Variants in SMARCA4 observed in about 807,000 individuals in gnomAD.
The protein encoded by SMARCA4 is SWI/SNF-related matrix-associated actin-dependent regulator of chromatin subfamily A member 4.
Under a neutral mutation model 193.9 loss-of-function variants are expected in SMARCA4, and 31 were observed. The observed-to-expected ratio is 0.16, with a 90% CI of 0.12 to 0.22. The LOEUF is 0.22. SMARCA4 is among the 10% of genes least tolerant of loss of function. The probability of loss-of-function intolerance (pLI) is 1.00; values close to 1 mark genes in which losing one functional copy is unlikely to be tolerated. For missense variants in SMARCA4, 1,148 were observed against 2,296.0 expected (o/e 0.50, Z 10.22); for synonymous variants, 942 against 933.1 (o/e 1.01, Z -0.17).
rs774927302 is a variant in SMARCA4 at position 11,003,354 on chromosome 19, C to T, written c.1958C>T (p.Pro653Leu). The T allele has an allele frequency of 3.7e-6, 6 of 1,613,886 alleles. No individual in the cohort carries two copies. The highest frequency in any genetic ancestry group is 5.1e-6 in the Non-Finnish European group (6 of 1,179,886). Residue 653 changes from proline (P) to leucine (L), a missense_variant, in exon 13 of 35, where the codon CCG becomes CTG. Pro to Leu is a moderately conservative substitution (Grantham distance 98). This residue lies in a region of SMARCA4 where 115 missense variants were observed against 175.1 expected (regional missense o/e 0.66). Transcript: ENST00000344626. ...LEMNPGYEVA[P>L]RSDSEESGSE... ...ATTTTTTCTAGGTATGAAGTAGCTC[C>T]GAGGTCTGATAGTGAAGAAAGTGGC...
chr19:11,003,130 G>T lies in SMARCA4; in HGVS notation c.1914G>T (p.Gln638His), dbSNP rs1555768426. 1 of 1,614,160 alleles carries T rather than the reference G, an allele frequency of 6.2e-7. No individual in the cohort carries two copies. Among genetic ancestry groups the T allele is most frequent in the Non-Finnish European group, 8.5e-7 (1 of 1,180,032 alleles). ...LTGTDAPKAG[Q>H]LEAWLEMNPG... is the part of the protein sequence containing the mutation. ...GCACAGATGCCCCCAAAGCCGGGCAGCTGGAGGCCTGGCTCGAGATGAACC... is the reference window on the plus strand; with the variant it reads ...GCACAGATGCCCCCAAAGCCGGGCATCTGGAGGCCTGGCTCGAGATGAACC... The change falls in exon 12 of 35, where the codon CAG becomes CAT. Residue 638 changes from glutamine to histidine, a missense_variant. Physicochemically the swap from Gln to His is conservative, Grantham distance 24 (BLOSUM62 0). This residue lies in a region of SMARCA4 where 115 missense variants were observed against 175.1 expected (regional missense o/e 0.66). Transcript: ENST00000344626.
Position 11,035,123 on chromosome 19 carries a change from G to A in SMARCA4, c.4161G>A (p.Gln1387=), listed in dbSNP as rs139551264. The A allele has an allele frequency of 1.2e-6, 2 of 1,611,924 alleles. No homozygotes were observed. The highest frequency in any genetic ancestry group is 2.7e-5 in the African/African-American group (2 of 74,932). The part of the protein sequence containing the change: ...VDYSDSLTEK[Q]WLKAIEEGTL... Reference sequence around the variant, plus strand: ...ACAGCGACTCACTGACGGAGAAGCAGTGGCTCAAGGTACATGCTGGAGAGG... The same window carrying A: ...ACAGCGACTCACTGACGGAGAAGCAATGGCTCAAGGTACATGCTGGAGAGG... Residue 1387 remains glutamine, a synonymous_variant, in exon 29 of 35, where the codon CAG becomes CAA. Transcript: ENST00000344626.
chr19:10,962,343 G>A (rs545942844), intron 1 of SMARCA4, among the ~76,000 whole-genome samples: 78 of 152,236 alleles, frequency 5.1e-4, no homozygotes, highest in African/African-American at 1.7e-3. Context: ...GTGTTGGATG[G>A]TCGGGGGTTG....
chr19:10,966,937 G>A (rs1437616329), intron 1 of SMARCA4, among the ~76,000 whole-genome samples: 1 of 152,042 alleles, frequency 6.6e-6, no homozygotes, highest in East Asian at 1.9e-4. Context: ...ACAGCTGCTG[G>A]AATACTGGGG....
intron 30 of SMARCA4, among the ~76,000 whole-genome samples, chr19:11,045,307 G>A (rs180874850): frequency 6.6e-6 from 1 of 151,706 alleles, no homozygotes; most frequent in African/African-American, 2.4e-5. Context: ...GCGACAGAGC[G>A]GGACTCCGTC....
At chr19:10,961,837 T>A (rs2083833533) in intron 1 of SMARCA4, 1 of 152,232 alleles carries the variant, frequency 6.6e-6, no homozygotes, top group African/African-American at 2.4e-5. Flanking sequence ...GGAAATCCTT[T>A]GCTGTGTAAA....
intron 8 of SMARCA4, among the ~76,000 whole-genome samples, chr19:10,993,072 G>A (rs1284916250): frequency 1.4e-5 from 2 of 143,954 alleles, no homozygotes; most frequent in Non-Finnish European, 3.0e-5. Flanking sequence ...TGCAGCCTCT[G>A]TCTTCTGGGT....
chr19:11,051,151 G>C (rs977572945), intron 30 of SMARCA4, among the ~76,000 whole-genome samples: 1 of 152,262 alleles, frequency 6.6e-6, no homozygotes, highest in Non-Finnish European at 1.5e-5. Context: ...TTTGCTGGAA[G>C]AAGCTCCCCC....
chr19:11,057,443 A>G (rs1228325497), intron 30 of SMARCA4, among the ~76,000 whole-genome samples: 1 of 152,212 alleles, frequency 6.6e-6, no homozygotes, highest in African/African-American at 2.4e-5. Context: ...ATCCAGATGC[A>G]TCCCAGGCCG....
rs62639303 is a variant in SMARCA4, at chr19:10,986,541, T to G, written c.708T>G (p.Pro236=). 6.5e-7 allele frequency: 1 copy of G among 1,540,474 alleles called. No homozygotes were observed. The highest frequency in any genetic ancestry group is 8.7e-7 in the Non-Finnish European group (1 of 1,146,382). The change falls in exon 4 of 35, where the codon CCT becomes CCG. Residue 236 remains proline (P), a synonymous_variant. Transcript: ENST00000344626. This position sits in a 1 kb window ranked among gnomAD's most constrained non-coding sequence, Gnocchi z 6.7. ...CAGGACCCGGCCCTGGCCCTGGCCC[T>G]GGCCCCGGCCCGGGTCCCGGCCCGG... ...SATGPGPGPG[P]GPGPGPGPAP... is the part of the protein sequence containing the mutation.
chr19:11,004,318 C>T lies in SMARCA4; in HGVS notation c.2001+921C>T, dbSNP rs531110656. Among the ~76,000 whole-genome samples, 26 of 148,928 alleles carry T rather than the reference C, an allele frequency of 1.7e-4. No individual in the cohort carries two copies. The South Asian group carries it at 3.0e-3, about 17-fold the overall frequency. ...AGGATGGAGTGCAGTGGCGCGATCT[C>T]GCTCACTGCAACCTCCGCCTCCCGG... On this transcript the variant is annotated intron_variant, in intron 13 of 34. Coordinates refer to ENST00000344626, the MANE Select transcript of SMARCA4 (RefSeq NM_003072.5).
At chr19:10,983,878 G>T (rs534995127) in intron 1 of SMARCA4, among the ~76,000 whole-genome samples, 89 of 152,216 alleles carry the variant, frequency 5.8e-4, no homozygotes, top group Admixed American at 3.0e-3. Context: ...AGGCCCCTGT[G>T]GGGCAGTGCT....
intron 11 of SMARCA4, among the ~76,000 whole-genome samples, chr19:10,999,531 ACC>A (rs1290758097): frequency 6.6e-6 from 1 of 151,986 alleles, no homozygotes; most frequent in Non-Finnish European, 1.5e-5. Flanking sequence ...AGTGGCATGC[ACC>A]TGTGGTCCCA....
At chr19:10,974,435 A>G (rs539243798) in intron 1 of SMARCA4, among the ~76,000 whole-genome samples, 1 of 146,140 alleles carries the variant, frequency 6.8e-6, no homozygotes, top group African/African-American at 2.5e-5. Flanking sequence ...TATTTATTTC[A>G]TGGGTATTCT....
rs1236470526 is a variant in SMARCA4, at chr19:11,030,981, A to G, written c.3546+88A>G. ...GACGGCCCTGGCTTGAGGGTCCTCC[A>G]GCCTCCTCCACATTGTCTTGGACCC... On this transcript the variant is annotated intron_variant, in intron 25 of 34. Coordinates refer to ENST00000344626, the MANE Select transcript of SMARCA4 (RefSeq NM_003072.5). The surrounding 1 kb of genome is among the most constrained non-coding windows in gnomAD (Gnocchi z 5.5). The G allele has an allele frequency of 1.6e-6, 2 of 1,233,952 alleles. No individual in the cohort carries two copies. Among genetic ancestry groups the G allele is most frequent in the East Asian group, 2.5e-5 (1 of 40,166 alleles). The allele number at this position is 1,233,952 out of a possible 1,614,324, so 76.4% of individuals were successfully genotyped here. A position where few individuals can be genotyped will look rare whatever the true frequency, so the allele number is the denominator to read the frequency against.
At chr19:10,998,613 A>T (rs1395715491) in intron 11 of SMARCA4, among the ~76,000 whole-genome samples, 1 of 151,874 alleles carries the variant, frequency 6.6e-6, no homozygotes, top group African/African-American at 2.4e-5. Flanking sequence ...TATAGTAGGA[A>T]AAGCTTTCTC....
rs1388929594 is a variant in SMARCA4 at position 11,003,154 on chromosome 19, C to T, written c.1938C>T (p.Asn646=). The T allele has an allele frequency of 1.2e-6, 2 of 1,614,108 alleles. No homozygotes were observed. Among genetic ancestry groups the T allele is most frequent in the South Asian group, 1.1e-5 (1 of 91,074 alleles). Residue 646 remains asparagine (N), a synonymous_variant, in exon 12 of 35, where the codon AAC becomes AAT. Coordinates refer to ENST00000344626, the MANE Select transcript of SMARCA4 (RefSeq NM_003072.5). The part of the protein sequence containing the change: ...AGQLEAWLEM[N]PGYEVAPRSD... ...AGCTGGAGGCCTGGCTCGAGATGAACCCGGGGTGAGTTGGGCCTTGCATTC... is the reference window on the plus strand; with the variant it reads ...AGCTGGAGGCCTGGCTCGAGATGAATCCGGGGTGAGTTGGGCCTTGCATTC...
chr19:11,047,824 C>T (rs2076032767), intron 30 of SMARCA4: 2 of 152,172 alleles, frequency 1.3e-5, no homozygotes, highest in Non-Finnish European at 2.9e-5. Flanking sequence ...GCCCAAAGCC[C>T]CAACCTAGGA....
rs1164249697 is a variant in SMARCA4, at chr19:11,060,033, G to A, written c.4769-12G>A. ...GAGCTCAAGGCTGTCTTTCCCTCCC[G>A]GTCCCCTCCAGCTCGGTCCGTCAAA... On this transcript the variant is annotated splice_polypyrimidine_tract_variant and intron_variant, in intron 33 of 34. Transcript: ENST00000344626. 1 of 1,578,440 alleles carries A rather than the reference G, an allele frequency of 6.3e-7. No homozygotes were observed. Among genetic ancestry groups the A allele is most frequent in the Non-Finnish European group, 8.6e-7 (1 of 1,162,522 alleles).
Sources: allele counts gnomAD v4.1 joint callset (sites outside exome capture counted in the v4.1 genomes callset), GRCh38; gene constraint gnomAD v4.1.1; regional missense constraint gnomAD v4.1.1; non-coding constraint Gnocchi (gnomAD v3.1); transcripts MANE v1.5; gene names NCBI Gene and HGNC (gene_info 2026-07-23, HGNC 2026-07-21).